Variants in ARMH4 observed in about 807,000 individuals in gnomAD.
The protein encoded by ARMH4 is armadillo like helical domain containing 4.
A neutral mutation model predicts 61.9 loss-of-function variants in ARMH4; 49 were observed. That is an observed-to-expected ratio of 0.79 (90% CI 0.63 to 1.00). The LOEUF is 1.00. ARMH4 is among the 50% of genes least tolerant of loss of function. The probability of loss-of-function intolerance (pLI) is 0.00; values close to 1 mark genes in which losing one functional copy is unlikely to be tolerated. For missense variants in ARMH4, 934 were observed against 930.0 expected, an observed-to-expected ratio of 1.00 and a Z score of -0.06; for synonymous variants, 368 against 341.5, an observed-to-expected ratio of 1.08 and a Z score of -0.85.
At chr14:58,060,896 C>A (rs1884507732) in intron 5 of ARMH4, among the ~76,000 whole-genome samples, 1 of 152,104 alleles carries the variant, frequency 6.6e-6, no homozygotes, top group Non-Finnish European at 1.5e-5. Flanking sequence ...GCGGTGGTCA[C>A]AACAATAATG....
intron 4 of ARMH4, among the ~76,000 whole-genome samples, chr14:58,110,186 C>T (rs752645572): frequency 5.9e-5 from 9 of 152,096 alleles, no homozygotes; most frequent in African/African-American, 1.9e-4. Context: ...TCATCCTTTC[C>T]GCTTTTCTAA....
chr14:58,126,910 C>T (rs1254564051), intron 4 of ARMH4, among the ~76,000 whole-genome samples: 1 of 148,136 alleles, frequency 6.8e-6, no homozygotes. Context: ...TCAAGTGATT[C>T]TCCTGCCTCA....
chr14:58,083,625 C>A (rs1482150901), intron 5 of ARMH4, among the ~76,000 whole-genome samples: 1 of 152,180 alleles, frequency 6.6e-6, no homozygotes, highest in Non-Finnish European at 1.5e-5. Context: ...GGAGTGCTGG[C>A]ACCCCTAAGA....
At chr14:58,137,331 A>C (rs1887336345) in intron 2 of ARMH4, among the ~76,000 whole-genome samples, 1 of 152,202 alleles carries the variant, frequency 6.6e-6, no homozygotes, top group Non-Finnish European at 1.5e-5. Flanking sequence ...GGGGAAAGCA[A>C]AATAAAACTA....
intron 5 of ARMH4, among the ~76,000 whole-genome samples, chr14:58,040,706 G>C (rs953529894): frequency 6.6e-6 from 1 of 152,058 alleles, no homozygotes; most frequent in Non-Finnish European, 1.5e-5. Flanking sequence ...GGTCAGATAA[G>C]CACCCTAAAT....
intron 4 of ARMH4, among the ~76,000 whole-genome samples, chr14:58,123,855 G>T (rs1886811802): frequency 6.6e-6 from 1 of 152,170 alleles, no homozygotes; most frequent in African/African-American, 2.4e-5. Context: ...TTTACTTTTA[G>T]CTGCCAGTTC....
At chr14:58,094,500 G>T (rs180705147) in intron 5 of ARMH4, among the ~76,000 whole-genome samples, 1 of 152,082 alleles carries the variant, frequency 6.6e-6, no homozygotes, top group Non-Finnish European at 1.5e-5. Flanking sequence ...GTGACTAGAT[G>T]AGCAAAACAT....
At chr14:58,140,559 C>A (rs896879710) in intron 1 of ARMH4, among the ~76,000 whole-genome samples, 1 of 151,110 alleles carries the variant, frequency 6.6e-6, no homozygotes, top group Non-Finnish European at 1.5e-5. Context: ...CCAGCCTGGA[C>A]AGGAGAATCC....
In ARMH4 at chr14:58,138,497, C is replaced by A. The variant is rs1214959003; in HGVS notation, c.862G>T (p.Asp288Tyr). The change falls in exon 2 of 8, where the codon GAT becomes TAT. Residue 288 changes from aspartate to tyrosine, a missense_variant. Asp to Tyr is a radical substitution (Grantham distance 160, BLOSUM62 -3). Transcript: ENST00000267485. The part of the protein sequence containing the change: ...EYTLSVEPET[D>Y]SLLGAPEVTV... ...ACTTCTGGGGCTCCCAGCAGACTAT[C>A]AGTTTCTGGCTCAACACTCAGGGTG... 8.1e-6 allele frequency: 13 copies of A among 1,614,132 alleles called. No individual in the cohort carries two copies. The East Asian group carries it at 1.1e-4, about 14-fold the overall frequency.
At chr14:58,098,759 C>A (rs1173360344) in intron 4 of ARMH4, among the ~76,000 whole-genome samples, 1 of 149,822 alleles carries the variant, frequency 6.7e-6, no homozygotes, top group Admixed American at 6.6e-5. Flanking sequence ...AAGAAGTAGG[C>A]AGGGGCCAGA....
chr14:58,131,621 GGAA>G lies in ARMH4; in HGVS notation c.1719_1721del (p.Ser574del), dbSNP rs1253679925. 60 of 1,613,998 alleles carry G rather than the reference GGAA, an allele frequency of 3.7e-5. 1 individual carries two copies. Among genetic ancestry groups the G allele is most frequent in the Non-Finnish European group, 4.5e-5 (53 of 1,179,994 alleles). On this transcript the variant is annotated inframe_deletion, in exon 4 of 8. Coordinates refer to ENST00000267485, the MANE Select transcript of ARMH4 (RefSeq NM_001001872.4). ...ATGCCTCCAAAGCAGGAAGTGCAGG[GGAA>G]ATGCTGGGTTCCCCCACCATTATTC... is the stretch of plus-strand genomic sequence containing the variant.
intron 6 of ARMH4, among the ~76,000 whole-genome samples, chr14:58,011,765 G>GAAAAA (rs745515042): frequency 3.1e-5 from 3 of 95,622 alleles, no homozygotes; most frequent in Non-Finnish European, 6.2e-5. Flanking sequence ...TCTCATATTA[G>GAAAAA]AAAAAAAAAA....
At chr14:58,081,475 C>T (rs1202537273) in intron 5 of ARMH4, among the ~76,000 whole-genome samples, 3 of 150,986 alleles carry the variant, frequency 2.0e-5, no homozygotes, top group Non-Finnish European at 3.0e-5. Context: ...CTAAGTAGTA[C>T]AAAACACTCT....
At position 58,025,428 on chromosome 14, in the gene ARMH4, G is replaced by T. The variant is rs557813698; in HGVS notation, c.2090-13278C>A. On this transcript the variant is annotated intron_variant, in intron 5 of 7. Transcript: ENST00000267485. ...AATTTTCAATATCACATCTTTCAAG[G>T]TGGGAAACCTGATTGTTATCTTAAT... 5.9e-5 allele frequency among the ~76,000 whole-genome samples: 9 copies of T among 152,150 alleles called. No homozygotes were observed. In the East Asian group the frequency reaches 1.3e-3, roughly 23 times the overall value.
chr14:58,087,292 C>T (rs981344796), intron 5 of ARMH4, among the ~76,000 whole-genome samples: 4 of 152,040 alleles, frequency 2.6e-5, no homozygotes, highest in African/African-American at 9.7e-5. Context: ...TTCTGTGAAC[C>T]CTGAGTCGGG....
chr14:58,073,391 T>A (rs1884947247), intron 5 of ARMH4, among the ~76,000 whole-genome samples: 1 of 152,244 alleles, frequency 6.6e-6, no homozygotes, highest in African/African-American at 2.4e-5. Context: ...TAGAGGCTGC[T>A]TTGATTGTGA....
chr14:58,147,260 A>G (rs1172899704), intron 1 of ARMH4, among the ~76,000 whole-genome samples: 1 of 151,000 alleles, frequency 6.6e-6, no homozygotes, highest in African/African-American at 2.4e-5. Flanking sequence ...ATGCCTCTTC[A>G]TTGATAACCT....
intron 5 of ARMH4, among the ~76,000 whole-genome samples, chr14:58,045,453 G>A (rs988793643): frequency 3.9e-5 from 6 of 152,122 alleles, no homozygotes; most frequent in African/African-American, 1.4e-4. Context: ...CACACACCGG[G>A]CCCTGTTGTG....
At position 58,047,161 on chromosome 14, in the gene ARMH4, G is replaced by A. The variant is rs569218177; in HGVS notation, c.2090-35011C>T. ...GTCATCATTGCATAATAATACGACCGTAAACACAATGCAAATGCAGGCTTT... is the reference window on the plus strand; with the variant it reads ...GTCATCATTGCATAATAATACGACCATAAACACAATGCAAATGCAGGCTTT... On this transcript the variant is annotated intron_variant, in intron 5 of 7. Transcript: ENST00000267485. Among the ~76,000 whole-genome samples the A allele has an allele frequency of 1.1e-4, 17 of 152,276 alleles. No homozygotes were observed. In the South Asian group the frequency reaches 1.5e-3, roughly 13 times the overall value.
Sources: allele counts gnomAD v4.1 joint callset (sites outside exome capture counted in the v4.1 genomes callset), GRCh38; gene constraint gnomAD v4.1.1; transcripts MANE v1.5; gene names NCBI Gene and HGNC (gene_info 2026-07-23, HGNC 2026-07-21).